Variants in SCGB2B2 observed in about 807,000 individuals in gnomAD.
SCGB2B2 encodes the protein secretoglobin family 2B member 2, also known as secretoglobin-like protein.
Under a neutral mutation model 7.6 loss-of-function variants are expected in SCGB2B2, and 11 were observed. That is an observed-to-expected ratio of 1.45 (90% confidence interval 0.91 to 2.40). SCGB2B2 has a LOEUF of 2.40. Ranked by LOEUF, SCGB2B2 falls within the 30% of genes most tolerant of loss-of-function variation. The pLI, the probability that SCGB2B2 is intolerant of heterozygous loss-of-function variation, is 0.00. For missense variants in SCGB2B2, 104 were observed against 115.4 expected, an observed-to-expected ratio of 0.90 and a Z score of 0.45; for synonymous variants, 50 against 48.6, an observed-to-expected ratio of 1.03 and a Z score of -0.12.
intron 1 of SCGB2B2, among the ~76,000 whole-genome samples, chr19:34,644,730 G>A (rs753718395): frequency 1.3e-4 from 20 of 152,004 alleles, no homozygotes; most frequent in African/African-American, 1.9e-4. Context: ...CATCTTTTTC[G>A]CCAAATTATA....
At chr19:34,612,059 A>G (rs1349505086) in intron 1 of SCGB2B2, among the ~76,000 whole-genome samples, 77 of 56,182 alleles carry the variant, frequency 1.4e-3, no homozygotes, top group African/African-American at 3.9e-3. Context: ...TTTTTTTTTT[A>G]GGATAGTCTC....
At chr19:34,605,817 C>T (rs2065760396) in intron 1 of SCGB2B2, among the ~76,000 whole-genome samples, 1 of 152,134 alleles carries the variant, frequency 6.6e-6, no homozygotes, top group Non-Finnish European at 1.5e-5. Context: ...TGGTCTCGAA[C>T]TCCTGTCCTC....
intron 1 of SCGB2B2, chr19:34,632,812 A>T (rs2066571643): frequency 6.6e-6 from 1 of 152,280 alleles, no homozygotes; most frequent in South Asian, 2.1e-4. Context: ...TCCCAGGGCT[A>T]GCCCTTTCTT....
intron 1 of SCGB2B2, among the ~76,000 whole-genome samples, chr19:34,648,107 G>A (rs149549231): frequency 1.6e-4 from 25 of 152,268 alleles, no homozygotes; most frequent in African/African-American, 3.4e-4. Context: ...GCAAAGATCC[G>A]GAATCCCACA....
At chr19:34,598,179 G>C (rs1204508231) in intron 1 of SCGB2B2, among the ~76,000 whole-genome samples, 3 of 152,184 alleles carry the variant, frequency 2.0e-5, no homozygotes, top group Non-Finnish European at 2.9e-5. Flanking sequence ...AGAGCTCCCG[G>C]ACAGGGAGTT....
chr19:34,628,943 T>G (rs2066453768), intron 1 of SCGB2B2, among the ~76,000 whole-genome samples: 7 of 151,954 alleles, frequency 4.6e-5, no homozygotes, highest in Admixed American at 4.6e-4. Context: ...GCTTCATCCC[T>G]GGGATGCAAG....
At chr19:34,620,715 T>G (rs541740295) in intron 1 of SCGB2B2, among the ~76,000 whole-genome samples, 10 of 152,352 alleles carry the variant, frequency 6.6e-5, no homozygotes, top group African/African-American at 2.2e-4. Context: ...ATTTAAATTA[T>G]AATTCATAGT....
chr19:34,663,274 C>T lies in SCGB2B2; in HGVS notation c.-2032+12356G>A, dbSNP rs138009581. On this transcript the variant is annotated intron_variant, in intron 1 of 3. Transcript: ENST00000601241. The stretch of plus-strand genomic sequence containing the variant: ...TATCACCTAAAATTCCACACATGGG[C>T]ACAAACCCTAACAAATGTGAATGTA... 3.5e-3 allele frequency among the ~76,000 whole-genome samples: 531 copies of T among 152,322 alleles called. 3 individuals carry two copies. The highest frequency in any genetic ancestry group is 5.8e-3 in the Non-Finnish European group (396 of 68,018).
chr19:34,634,313 G>C (rs778780387), intron 1 of SCGB2B2, among the ~76,000 whole-genome samples: 3 of 152,164 alleles, frequency 2.0e-5, no homozygotes, highest in Non-Finnish European at 4.4e-5. Context: ...AGGGAGTACA[G>C]AGGTCTGCCT....
At chr19:34,627,752 C>A (rs184179923) in intron 1 of SCGB2B2, among the ~76,000 whole-genome samples, 1 of 152,018 alleles carries the variant, frequency 6.6e-6, no homozygotes, top group Non-Finnish European at 1.5e-5. Context: ...AATTCAACTC[C>A]GCTCTGCACC....
intron 1 of SCGB2B2, among the ~76,000 whole-genome samples, chr19:34,645,149 T>C (rs16969595): frequency 1.3e-3 from 203 of 151,926 alleles, no homozygotes; most frequent in African/African-American, 4.7e-3. Flanking sequence ...GAAGGGACAA[T>C]AAACGCACAG....
chr19:34,636,556 C>G (rs966049484), intron 1 of SCGB2B2, among the ~76,000 whole-genome samples: 5 of 152,200 alleles, frequency 3.3e-5, no homozygotes, highest in Admixed American at 1.3e-4. Context: ...ATGTGAACAT[C>G]TCACAAAACA....
chr19:34,658,053 A>G (rs576658929), intron 1 of SCGB2B2, among the ~76,000 whole-genome samples: 1 of 152,350 alleles, frequency 6.6e-6, no homozygotes, highest in African/African-American at 2.4e-5. Context: ...ACCAATGAGA[A>G]CAAAGAGACA....
At chr19:34,586,913 T>C (rs2065199265), downstream of SCGB2B2, among the ~76,000 whole-genome samples, 1 of 152,180 alleles carries the variant, frequency 6.6e-6, no homozygotes, top group South Asian at 2.1e-4. Flanking sequence ...GTTGTTGTTG[T>C]TGTTGTTCTT....
chr19:34,616,677 C>A lies in SCGB2B2; in HGVS notation c.-2031-20083G>T, dbSNP rs374323374. Among the ~76,000 whole-genome samples, 8 of 140,140 alleles carry A rather than the reference C, an allele frequency of 5.7e-5. No individual in the cohort carries two copies. The East Asian group carries it at 1.2e-3, about 21-fold the overall frequency. 91.9% of individuals were successfully genotyped at this position (140,140 alleles called of 152,430 possible). A position where few individuals can be genotyped will look rare whatever the true frequency, so the allele number is the denominator to read the frequency against. ...GGTAGTTTCTTTTGCTGTGCAGAAG[C>A]TCTTTAGTTTAATTAGATCCCATTT... On this transcript the variant is annotated intron_variant, in intron 1 of 3. Coordinates refer to ENST00000601241, the MANE Select transcript of SCGB2B2 (RefSeq NM_001025591.4).
intron 1 of SCGB2B2, among the ~76,000 whole-genome samples, chr19:34,658,834 A>AAAAAAAAAAAG (rs1555749405): frequency 8.4e-6 from 1 of 118,752 alleles, no homozygotes; most frequent in South Asian, 3.4e-4. Flanking sequence ...AAAAAAAAAA[A>AAAAAAAAAAAG]AGAGAGAGAA....
chr19:34,633,859 A>G (rs372207220), intron 1 of SCGB2B2, among the ~76,000 whole-genome samples: 1 of 152,200 alleles, frequency 6.6e-6, no homozygotes. Context: ...TTTAGTACAT[A>G]TATAAGGGAC....
intron 1 of SCGB2B2, among the ~76,000 whole-genome samples, chr19:34,606,752 T>C (rs2145814413): frequency 6.6e-6 from 1 of 152,176 alleles, no homozygotes; most frequent in African/African-American, 2.4e-5. Context: ...TTATAATTAG[T>C]ACCTGTTAAT....
At chr19:34,602,106 G>A (rs1433632768) in intron 1 of SCGB2B2, among the ~76,000 whole-genome samples, 3 of 152,020 alleles carry the variant, frequency 2.0e-5, no homozygotes, top group African/African-American at 7.3e-5. Context: ...TTAGATTAAG[G>A]ATATATTATT....
Sources: allele counts gnomAD v4.1 joint callset (sites outside exome capture counted in the v4.1 genomes callset), GRCh38; gene constraint gnomAD v4.1.1; transcripts MANE v1.5; gene names NCBI Gene and HGNC (gene_info 2026-07-23, HGNC 2026-07-21).